The following BBX variants were observed in gnomAD, a reference collection of about 807,000 sequenced individuals.
BBX encodes BBX high mobility group box domain containing.
Under a neutral mutation model 100.2 loss-of-function variants are expected in BBX, and 30 were observed. The ratio of observed to expected loss-of-function variants is 0.30; its 90% confidence interval spans 0.22 to 0.41. BBX has a LOEUF of 0.41. BBX is among the 10% of genes least tolerant of loss of function. The pLI is 1.00. For synonymous variants in BBX, 376 were observed against 388.1 expected, an observed-to-expected ratio of 0.97 and a Z score of 0.37; for missense variants, 1,023 against 1,129.8, an observed-to-expected ratio of 0.91 and a Z score of 1.35.
rs141599772 is a variant in BBX at position 107,772,858 on chromosome 3, T to A, written c.1137T>A (p.Asp379Glu). The change falls in exon 11 of 18, where the codon GAT becomes GAA. Residue 379 changes from aspartate (D) to glutamate (E), a missense_variant. This residue lies in a region of BBX where 348 missense variants were observed against 353.2 expected (regional missense o/e 0.99). Transcript: ENST00000325805. ...GAAATTTTGAGGCATTGCAAATAGA[T>A]GACATAATGGCTATAAAAATGGAAG... ...ELRNFEALQI[D>E]DIMAIKMEDP... is the part of the protein sequence containing the mutation. The A allele has an allele frequency of 1.2e-6, 2 of 1,613,406 alleles. No individual in the cohort carries two copies. Among genetic ancestry groups the A allele is most frequent in the Non-Finnish European group, 1.7e-6 (2 of 1,179,894 alleles).
chr3:107,633,971 A>C (rs530625382), intron 2 of BBX, among the ~76,000 whole-genome samples: 1 of 152,174 alleles, frequency 6.6e-6, no homozygotes, highest in Non-Finnish European at 1.5e-5. Flanking sequence ...CACCAGATAG[A>C]GTGGGCTTTC....
intron 3 of BBX, among the ~76,000 whole-genome samples, chr3:107,668,342 G>C (rs762542523): frequency 1.3e-5 from 2 of 152,106 alleles, no homozygotes; most frequent in Admixed American, 6.5e-5. Flanking sequence ...TTGCCCTTAG[G>C]TTAAGGTCTG....
intron 2 of BBX, among the ~76,000 whole-genome samples, chr3:107,547,011 A>G (rs2049287389): frequency 6.6e-6 from 1 of 152,326 alleles, no homozygotes; most frequent in East Asian, 1.9e-4. Flanking sequence ...AGATAGTTTG[A>G]AAGATTAATC....
chr3:107,548,181 C>T (rs1383358354), intron 2 of BBX, among the ~76,000 whole-genome samples: 2 of 152,122 alleles, frequency 1.3e-5, no homozygotes, highest in Admixed American at 6.6e-5. Flanking sequence ...AGGCACTTAA[C>T]CTCTTGGATT....
intron 2 of BBX, among the ~76,000 whole-genome samples, chr3:107,553,601 A>G (rs2049863041): frequency 6.6e-6 from 1 of 152,198 alleles, no homozygotes; most frequent in African/African-American, 2.4e-5. Flanking sequence ...TTAGAAACTG[A>G]GTTAAGGACA....
At chr3:107,723,744 C>T (rs1471075866) in intron 5 of BBX, among the ~76,000 whole-genome samples, 4 of 152,084 alleles carry the variant, frequency 2.6e-5, no homozygotes, top group Non-Finnish European at 5.9e-5. Context: ...ATGAACTCAT[C>T]CTTTTTTATG....
intron 2 of BBX, among the ~76,000 whole-genome samples, chr3:107,639,613 T>G (rs2107761475): frequency 6.6e-6 from 1 of 152,296 alleles, no homozygotes; most frequent in Middle Eastern, 3.4e-3. Flanking sequence ...TTGATACAAT[T>G]CATAGGAGTT....
intron 3 of BBX, chr3:107,659,909 T>C: frequency 2.7e-6 from 1 of 372,654 alleles, no homozygotes; most frequent in Non-Finnish European, 4.7e-6. Flanking sequence ...TTCCCTTCGT[T>C]GAAGTAGTAG....
chr3:107,667,970 T>C (rs531515136), intron 3 of BBX, among the ~76,000 whole-genome samples: 1 of 152,320 alleles, frequency 6.6e-6, no homozygotes, highest in East Asian at 1.9e-4. Flanking sequence ...TTCTTGAATA[T>C]TTTCTAGTAT....
At chr3:107,702,858 C>T (rs1416233543) in intron 3 of BBX, among the ~76,000 whole-genome samples, 1 of 151,978 alleles carries the variant, frequency 6.6e-6, no homozygotes, top group Non-Finnish European at 1.5e-5. Flanking sequence ...GTGTGGGGGA[C>T]GGTGTGCAGG....
chr3:107,569,120 C>G lies in BBX; in HGVS notation c.-84+42722C>G, dbSNP rs118143072. Reference sequence around the variant, plus strand: ...AACTTAGCTAACTACGTGCCAGGAACTGTACTAGGTTATTTTATTCACGTG... The same window carrying G: ...AACTTAGCTAACTACGTGCCAGGAAGTGTACTAGGTTATTTTATTCACGTG... On this transcript the variant is annotated intron_variant, in intron 2 of 17. Transcript: ENST00000325805. Among the ~76,000 whole-genome samples, 21 of 152,308 alleles carry G rather than the reference C, an allele frequency of 1.4e-4. 1 individual carries two copies. In the East Asian group the frequency reaches 4.1e-3, roughly 29 times the overall value.
chr3:107,738,351 A>G (rs1229142718), intron 7 of BBX, among the ~76,000 whole-genome samples: 1 of 152,198 alleles, frequency 6.6e-6, no homozygotes, highest in East Asian at 1.9e-4. Context: ...AACAATGACA[A>G]GATTTAAACT....
chr3:107,609,381 AG>A (rs1265451352), intron 2 of BBX, among the ~76,000 whole-genome samples: 1 of 152,146 alleles, frequency 6.6e-6, no homozygotes, highest in African/African-American at 2.4e-5. Context: ...TTTTGGTATC[AG>A]GGTAATACTG....
At chr3:107,803,957 T>TA (rs1404143402) in intron 17 of BBX, among the ~76,000 whole-genome samples, 1 of 151,430 alleles carries the variant, frequency 6.6e-6, no homozygotes, top group African/African-American at 2.4e-5. Flanking sequence ...TTTTTTGTTT[T>TA]TTTTTTTCCT....
rs1286419462 is a variant in BBX, at chr3:107,778,994, CATATATAT to C, written c.2203+495_2203+502del. Among the ~76,000 whole-genome samples, 3 of 68,328 alleles carry C rather than the reference CATATATAT, an allele frequency of 4.4e-5. 1 individual carries two copies. The highest frequency in any genetic ancestry group is 8.6e-5 in the Non-Finnish European group (3 of 34,882). 44.8% of individuals were successfully genotyped at this position (68,328 alleles called of 152,430 possible). A position where few individuals can be genotyped will look rare whatever the true frequency, so the allele number is the denominator to read the frequency against. ...AAAACTACCTGAAATCCTCCAGCAA[CATATATAT>C]ATATATATATATATATATACACACA... is the stretch of plus-strand genomic sequence containing the variant. On this transcript the variant is annotated intron_variant, in intron 13 of 17. Transcript: ENST00000325805.
chr3:107,730,933 T>C (rs1459334444), intron 6 of BBX, among the ~76,000 whole-genome samples: 1 of 152,210 alleles, frequency 6.6e-6, no homozygotes, highest in East Asian at 1.9e-4. Flanking sequence ...GGCCTCTAAA[T>C]GCCAGATTGT....
At chr3:107,640,513 T>G (rs2057124443) in intron 2 of BBX, among the ~76,000 whole-genome samples, 1 of 152,054 alleles carries the variant, frequency 6.6e-6, no homozygotes, top group Non-Finnish European at 1.5e-5. Context: ...CCCTGGTATA[T>G]TCTAACTTTA....
At chr3:107,588,074 A>G (rs757020182) in intron 2 of BBX, among the ~76,000 whole-genome samples, 1 of 152,122 alleles carries the variant, frequency 6.6e-6, no homozygotes, top group African/African-American at 2.4e-5. Flanking sequence ...TGTTCTTCTT[A>G]TTAGGGTAGA....
At chr3:107,599,963 A>C (rs1353062860) in intron 2 of BBX, among the ~76,000 whole-genome samples, 2 of 152,206 alleles carry the variant, frequency 1.3e-5, no homozygotes, top group Non-Finnish European at 2.9e-5. Flanking sequence ...CAGATTCATG[A>C]GGAGCTTTTT....
Sources: allele counts gnomAD v4.1 joint callset (sites outside exome capture counted in the v4.1 genomes callset), GRCh38; gene constraint gnomAD v4.1.1; regional missense constraint gnomAD v4.1.1; transcripts MANE v1.5; gene names NCBI Gene and HGNC (gene_info 2026-07-23, HGNC 2026-07-21).